The following SOS2 variants were observed in gnomAD, a reference collection of about 807,000 sequenced individuals.
SOS2 encodes son of sevenless homolog 2.
Under a neutral mutation model 148.2 loss-of-function variants are expected in SOS2, and 65 were observed. The observed-to-expected ratio is 0.44, with a 90% CI of 0.36 to 0.54. The LOEUF is 0.54. Among genes scored for constraint, SOS2 ranks in the 20% least tolerant of loss-of-function variants. The probability of loss-of-function intolerance (pLI) is 0.00; values close to 1 mark genes in which losing one functional copy is unlikely to be tolerated. For missense variants in SOS2, 1,341 were observed against 1,590.2 expected, an observed-to-expected ratio of 0.84 and a Z score of 2.67; for synonymous variants, 539 against 537.1, an observed-to-expected ratio of 1.00 and a Z score of -0.05.
At chr14:50,224,509 A>T (rs1159446188) in intron 1 of SOS2, among the ~76,000 whole-genome samples, 1 of 152,082 alleles carries the variant, frequency 6.6e-6, no homozygotes, top group Non-Finnish European at 1.5e-5. Context: ...AAATGAAGAA[A>T]GGATTTCAAA....
intron 5 of SOS2, among the ~76,000 whole-genome samples, chr14:50,187,887 G>C (rs1279330841): frequency 6.6e-6 from 1 of 152,024 alleles, no homozygotes; most frequent in Non-Finnish European, 1.5e-5. Context: ...AAAATGCAGA[G>C]GTCTTCCTTT....
chr14:50,139,126 T>C lies in SOS2; in HGVS notation c.2786-342A>G, dbSNP rs527552673. ...TCTGACCAAATATTTTAATATTTGATTATAAATATTTAATGCCAAGTATCT... is the reference window on the plus strand; with the variant it reads ...TCTGACCAAATATTTTAATATTTGACTATAAATATTTAATGCCAAGTATCT... On this transcript the variant is annotated intron_variant, in intron 17 of 22. Transcript: ENST00000216373. Among the ~76,000 whole-genome samples, 286 of 152,294 alleles carry C rather than the reference T, an allele frequency of 1.9e-3. 1 individual carries two copies. Among genetic ancestry groups the C allele is most frequent in the Middle Eastern group, 6.8e-3 (2 of 294 alleles).
intron 16 of SOS2, among the ~76,000 whole-genome samples, chr14:50,143,188 GCTGA>G (rs951247339): frequency 6.6e-6 from 1 of 151,938 alleles, no homozygotes; most frequent in African/African-American, 2.4e-5. Flanking sequence ...AGCTGGACAT[GCTGA>G]CTAATGCCTG....
rs1886000968 is a variant in SOS2 at position 50,188,521 on chromosome 14, A to G, written c.690T>C (p.Ser230=). 1 of 1,599,308 alleles carries G rather than the reference A, an allele frequency of 6.3e-7. No individual in the cohort carries two copies. The highest frequency in any genetic ancestry group is 8.5e-7 in the Non-Finnish European group (1 of 1,176,190). The part of the protein sequence containing the change: ...IIKVFREAFL[S]DRKLFKPSDI... Reference sequence around the variant, plus strand: ...CAGAAGGTTTAAACAGCTTTCTATCAGAAAGAAAGGCTTCTCGAAACACTT... The same window carrying G: ...CAGAAGGTTTAAACAGCTTTCTATCGGAAAGAAAGGCTTCTCGAAACACTT... Residue 230 remains serine (S), a synonymous_variant, in exon 5 of 23, where the codon TCT becomes TCC. Transcript: ENST00000216373.
intron 19 of SOS2, among the ~76,000 whole-genome samples, chr14:50,131,160 T>C (rs1415479473): frequency 6.6e-6 from 1 of 152,202 alleles, no homozygotes; most frequent in African/African-American, 2.4e-5. Context: ...GATCATTTTT[T>C]CCCCTTCCTA....
At chr14:50,146,075 G>A (rs1468094525) in intron 14 of SOS2, among the ~76,000 whole-genome samples, 5 of 150,046 alleles carry the variant, frequency 3.3e-5, no homozygotes, top group African/African-American at 1.2e-4. Flanking sequence ...GGAGGTTGTG[G>A]TGAGCCGAGA....
intron 3 of SOS2, 31 bp downstream of exon 3, chr14:50,200,922 A>AC (rs767894794): frequency 1.2e-6 from 2 of 1,602,170 alleles, no homozygotes; most frequent in East Asian, 2.2e-5. Context: ...TATAAAGAAC[A>AC]CCCCCCAACT....
chr14:50,152,517 G>T (rs1024544017), intron 13 of SOS2, among the ~76,000 whole-genome samples: 13 of 152,108 alleles, frequency 8.5e-5, no homozygotes, highest in Admixed American at 5.2e-4. Context: ...TTATTAAAAA[G>T]AACTTTCGAC....
chr14:50,159,354 T>A, intron 10 of SOS2, 77 bp downstream of exon 10: 1 of 909,840 alleles, frequency 1.1e-6, no homozygotes, highest in South Asian at 2.2e-5. Flanking sequence ...TCCCCAAGCC[T>A]CAAATATTTT....
At chr14:50,144,437 A>G (rs1168571463) in intron 16 of SOS2, among the ~76,000 whole-genome samples, 1 of 151,826 alleles carries the variant, frequency 6.6e-6, no homozygotes, top group East Asian at 1.9e-4. Context: ...TAAAAAATAT[A>G]TATATTTTTT....
intron 4 of SOS2, among the ~76,000 whole-genome samples, chr14:50,190,468 T>C (rs995460467): frequency 1.3e-5 from 2 of 152,188 alleles, no homozygotes; most frequent in African/African-American, 4.8e-5. Context: ...CTCAGAAATA[T>C]CTTATAAGCA....
intron 1 of SOS2, among the ~76,000 whole-genome samples, chr14:50,219,462 C>T (rs1887137891): frequency 6.6e-6 from 1 of 151,878 alleles, no homozygotes; most frequent in African/African-American, 2.4e-5. Context: ...TAATATAAAA[C>T]TCTAGAAAAT....
At chr14:50,211,801 C>T (rs1886880053) in intron 1 of SOS2, among the ~76,000 whole-genome samples, 1 of 152,068 alleles carries the variant, frequency 6.6e-6, no homozygotes, top group South Asian at 2.1e-4. Context: ...CACATTGTAT[C>T]TCTTCTAGAC....
chr14:50,124,941 T>C (rs1026933574), intron 21 of SOS2, among the ~76,000 whole-genome samples: 2 of 152,244 alleles, frequency 1.3e-5, no homozygotes, highest in South Asian at 2.1e-4. Context: ...TTTTCTTATA[T>C]GGAAAATGTA....
In SOS2 at chr14:50,160,074, G is replaced by A; in HGVS notation, c.1209C>T (p.Cys403=). Residue 403 remains cysteine, a synonymous_variant, in exon 10 of 23, where the codon TGC becomes TGT. Coordinates refer to ENST00000216373, the MANE Select transcript of SOS2 (RefSeq NM_006939.4). The stretch of plus-strand genomic sequence containing the variant: ...TTCTTAATTGGTGACTATAAAAAGG[G>A]CAAACAGGATCTCTAGAAAAAACAA... The part of the protein sequence containing the change: ...SPRRRPGDPV[C]PFYSHQLRSK... The A allele has an allele frequency of 6.2e-7, 1 of 1,609,892 alleles. No homozygotes were observed. Among genetic ancestry groups the A allele is most frequent in the African/African-American group, 1.3e-5 (1 of 74,612 alleles).
intron 21 of SOS2, among the ~76,000 whole-genome samples, chr14:50,129,496 T>C (rs769210998): frequency 4.5e-4 from 69 of 152,228 alleles, no homozygotes; most frequent in Non-Finnish European, 6.5e-4. Flanking sequence ...GTGATTCTCC[T>C]GCCTCAGCCT....
rs181922345 is a variant in SOS2, at chr14:50,182,284, A to C, written c.858+179T>G. On this transcript the variant is annotated intron_variant, in intron 6 of 22. Coordinates refer to ENST00000216373, the MANE Select transcript of SOS2 (RefSeq NM_006939.4). ...GACACAATCATGGGCTTGATCTCCC[A>C]GGCTTCCTACCTCAGCCTCCTGAGT... is the stretch of plus-strand genomic sequence containing the variant. 0.013 allele frequency among the ~76,000 whole-genome samples: 1,880 copies of C among 142,386 alleles called. 38 individuals are homozygous for C. Among genetic ancestry groups the C allele is most frequent in the African/African-American group, 0.046 (1,698 of 36,806 alleles). The allele number at this position is 142,386 out of a possible 152,430, so 93.4% of individuals were successfully genotyped here.
chr14:50,138,126 C>T (rs1884144276), intron 18 of SOS2, among the ~76,000 whole-genome samples: 1 of 151,776 alleles, frequency 6.6e-6, no homozygotes, highest in African/African-American at 2.4e-5. Context: ...CAGGCGTGAG[C>T]CACCATGCCC....
At chr14:50,208,249 A>G (rs2139809861) in intron 1 of SOS2, among the ~76,000 whole-genome samples, 1 of 152,002 alleles carries the variant, frequency 6.6e-6, no homozygotes, top group Non-Finnish European at 1.5e-5. Context: ...GTGAGCCGAG[A>G]TAACGTGCTG....
Sources: gnomAD v4.1 joint callset for allele counts (sites outside exome capture counted in the v4.1 genomes callset) on GRCh38, gnomAD v4.1.1 for gene constraint, MANE v1.5 for transcripts, NCBI Gene and HGNC (gene_info 2026-07-23, HGNC 2026-07-21) for gene names.